Variants in PRKCE observed in about 807,000 individuals in gnomAD.
PRKCE encodes the protein protein kinase C epsilon type.
Under a neutral mutation model 85.4 loss-of-function variants are expected in PRKCE, and 16 were observed. The ratio of observed to expected loss-of-function variants is 0.19; its 90% CI spans 0.13 to 0.28. The LOEUF (loss-of-function observed/expected upper bound fraction) is 0.28. Among genes scored for constraint, PRKCE ranks in the 10% least tolerant of loss-of-function variants. The pLI, the probability that PRKCE is intolerant of heterozygous loss-of-function variation, is 1.00. For synonymous variants in PRKCE, 388 were observed against 371.5 expected, an observed-to-expected ratio of 1.04 and a Z score of -0.51; for missense variants, 573 against 975.2, an observed-to-expected ratio of 0.59 and a Z score of 5.49.
chr2:45,862,671 C>T (rs1014975574), intron 2 of PRKCE, among the ~76,000 whole-genome samples: 9 of 152,182 alleles, frequency 5.9e-5, no homozygotes, highest in African/African-American at 2.2e-4. Context: ...ATCACGGGAA[C>T]CAGGTCACAA....
intron 2 of PRKCE, among the ~76,000 whole-genome samples, chr2:45,900,003 T>C (rs1269060217): frequency 6.6e-6 from 1 of 152,212 alleles, no homozygotes. Context: ...TCTGACTATA[T>C]ATTGCACAGT....
chr2:46,074,429 C>CAAAAAAAAAAAAAAAAAAAA (rs11287357), intron 10 of PRKCE, among the ~76,000 whole-genome samples: 6 of 93,848 alleles, frequency 6.4e-5, no homozygotes, highest in Admixed American at 1.2e-4. Flanking sequence ...CAACAACAAC[C>CAAAAAAAAAAAAAAAAAAAA]AAAAAAAAAA....
At chr2:46,172,763 G>C (rs570854947) in intron 14 of PRKCE, among the ~76,000 whole-genome samples, 6 of 152,246 alleles carry the variant, frequency 3.9e-5, no homozygotes, top group Non-Finnish European at 7.3e-5. Context: ...GTCCAGAGGG[G>C]ATGCCCTGTG....
At chr2:46,003,513 C>G (rs1290832421) in intron 7 of PRKCE, among the ~76,000 whole-genome samples, 1 of 152,178 alleles carries the variant, frequency 6.6e-6, no homozygotes. Flanking sequence ...GTGTAAGTCA[C>G]TAGGGGCAAT....
intron 1 of PRKCE, among the ~76,000 whole-genome samples, chr2:45,709,752 T>G (rs1030247026): frequency 1.3e-5 from 2 of 152,198 alleles, no homozygotes; most frequent in Non-Finnish European, 2.9e-5. Context: ...TCTATTCACC[T>G]GGATATTGTG....
intron 1 of PRKCE, among the ~76,000 whole-genome samples, chr2:45,802,023 G>A (rs1687904228): frequency 6.6e-6 from 1 of 150,822 alleles, no homozygotes; most frequent in Non-Finnish European, 1.5e-5. Flanking sequence ...GCCAAGGCGA[G>A]AGGATCACTT....
chr2:45,997,246 G>C (rs1704294563), intron 6 of PRKCE, among the ~76,000 whole-genome samples: 1 of 151,344 alleles, frequency 6.6e-6, no homozygotes, highest in Admixed American at 6.6e-5. Context: ...TGAGTCTATT[G>C]CTCTTTACAA....
chr2:46,105,365 A>T (rs1406708431), intron 11 of PRKCE, among the ~76,000 whole-genome samples: 1 of 152,174 alleles, frequency 6.6e-6, no homozygotes, highest in Non-Finnish European at 1.5e-5. Context: ...ATACAAAATT[A>T]AAAGGTATTT....
intron 2 of PRKCE, among the ~76,000 whole-genome samples, chr2:45,961,914 C>T (rs539201781): frequency 1.3e-5 from 2 of 152,102 alleles, no homozygotes; most frequent in South Asian, 2.1e-4. Context: ...AGGCTGGTCT[C>T]GAAATCCCGA....
chr2:45,813,081 T>C (rs1420661964), intron 1 of PRKCE, among the ~76,000 whole-genome samples: 1 of 152,148 alleles, frequency 6.6e-6, no homozygotes, highest in Non-Finnish European at 1.5e-5. Context: ...GAGCTTTGTT[T>C]GGGATGGAGA....
intron 10 of PRKCE, among the ~76,000 whole-genome samples, chr2:46,021,402 T>A (rs7592346): frequency 6.6e-6 from 1 of 152,048 alleles, no homozygotes; most frequent in Non-Finnish European, 1.5e-5. Flanking sequence ...AGCAGAGATA[T>A]CTGTGAGCAG....
At chr2:46,179,450 C>G (rs1968635) in intron 14 of PRKCE, among the ~76,000 whole-genome samples, 4,456 of 152,226 alleles carry the variant, frequency 0.029, 79 homozygotes, top group East Asian at 0.085. Context: ...CTGGACTGAC[C>G]TGAAACTCTT....
chr2:45,781,168 T>C (rs1332205835), intron 1 of PRKCE, among the ~76,000 whole-genome samples: 1 of 148,516 alleles, frequency 6.7e-6, no homozygotes, highest in Non-Finnish European at 1.5e-5. Flanking sequence ...CCCCCCCATC[T>C]CTACAAAATA....
chr2:46,116,134 A>T (rs1672746837), intron 11 of PRKCE, among the ~76,000 whole-genome samples: 2 of 152,268 alleles, frequency 1.3e-5, no homozygotes, highest in South Asian at 4.1e-4. Flanking sequence ...TTGTCTCCCC[A>T]ACCAAATTGC....
At position 45,792,597 on chromosome 2, in the gene PRKCE, C is replaced by G. The variant is rs1312831453; in HGVS notation, c.349-50403C>G. Reference sequence around the variant, plus strand: ...CTTCTGCTGCCTGGTGCTCAAGTTCCTGTCCCACTTTTACTGCTCACTAAC... The same window carrying G: ...CTTCTGCTGCCTGGTGCTCAAGTTCGTGTCCCACTTTTACTGCTCACTAAC... On this transcript the variant is annotated intron_variant, in intron 1 of 14. Coordinates refer to ENST00000306156, the MANE Select transcript of PRKCE (RefSeq NM_005400.3). Among the ~76,000 whole-genome samples the G allele has an allele frequency of 2.0e-5, 3 of 152,136 alleles. No homozygotes were observed. The East Asian group carries it at 5.8e-4, about 29-fold the overall frequency.
intron 10 of PRKCE, chr2:46,078,364 T>C (rs993337722): frequency 2.1e-5 from 3 of 139,902 alleles, no homozygotes; most frequent in Non-Finnish European, 4.5e-5. Flanking sequence ...AGCAAGACTC[T>C]TGTCTCTAAA....
intron 13 of PRKCE, among the ~76,000 whole-genome samples, chr2:46,153,309 G>A (rs1482517128): frequency 6.6e-6 from 1 of 152,170 alleles, no homozygotes; most frequent in Admixed American, 6.5e-5. Context: ...ATCTAGTAAA[G>A]ACTATTTATT....
Position 46,151,191 on chromosome 2 carries a change from G to T in PRKCE, c.1882G>T (p.Val628Phe), listed in dbSNP as rs969718785. The T allele has an allele frequency of 6.3e-6, 10 of 1,598,926 alleles. No homozygotes were observed. Among genetic ancestry groups the T allele is most frequent in the Non-Finnish European group, 8.5e-6 (10 of 1,179,548 alleles). Reference protein sequence around the residue: ...SILHDDVLYPVWLSKEAVSIL... With the variant: ...SILHDDVLYPFWLSKEAVSIL... ...CCTCCATGACGACGTGCTGTACCCA[G>T]TCTGGCTCAGCAAGGAGGCTGTCAG... Residue 628 changes from valine to phenylalanine, a missense_variant, in exon 13 of 15, where the codon GTC (valine) becomes TTC (phenylalanine). Val to Phe is a conservative substitution (Grantham distance 50). Coordinates refer to ENST00000306156, the MANE Select transcript of PRKCE (RefSeq NM_005400.3).
At chr2:46,050,091 G>A (rs1708762537) in intron 10 of PRKCE, among the ~76,000 whole-genome samples, 1 of 152,220 alleles carries the variant, frequency 6.6e-6, no homozygotes, top group Admixed American at 6.5e-5. Flanking sequence ...CTGCTGCCTG[G>A]TCCCCAGGGG....
Sources: gnomAD v4.1 joint callset for allele counts (sites outside exome capture counted in the v4.1 genomes callset) on GRCh38, gnomAD v4.1.1 for gene constraint, MANE v1.5 for transcripts, NCBI Gene and HGNC (gene_info 2026-07-23, HGNC 2026-07-21) for gene names.